The following PMPCB variants were observed in gnomAD, a reference collection of about 807,000 sequenced individuals.
The protein encoded by PMPCB is mitochondrial-processing peptidase subunit beta.
Under a neutral mutation model 61.5 loss-of-function variants are expected in PMPCB, and 46 were observed. The observed-to-expected ratio is 0.75, with a 90% confidence interval of 0.59 to 0.96. The LOEUF is 0.96. Among genes scored for constraint, PMPCB ranks in the 40% least tolerant of loss-of-function variants. The pLI, the probability that PMPCB is intolerant of heterozygous loss-of-function variation, is 0.00. For missense variants in PMPCB, 590 were observed against 602.4 expected, an observed-to-expected ratio of 0.98 and a Z score of 0.22; for synonymous variants, 191 against 201.6, an observed-to-expected ratio of 0.95 and a Z score of 0.44.
rs764465517 is a variant in PMPCB, at chr7:103,307,596, G to T, written c.737G>T (p.Gly246Val). 1 of 1,573,494 alleles carries T rather than the reference G, an allele frequency of 6.4e-7. No individual in the cohort carries two copies. The highest frequency in any genetic ancestry group is 8.7e-7 in the Non-Finnish European group (1 of 1,143,268). The change falls in exon 7 of 13, where the codon GGT becomes GTT. Residue 246 changes from glycine (G) to valine (V), a missense_variant and splice_region_variant. By Grantham distance (109) the Gly-to-Val change is moderately radical. Transcript: ENST00000249269. Reference sequence around the variant, plus strand: ...GTGAAAATATTTTCTTTCAATTTAGGTGTTTCCCATGATGAATTGCTTGAC... The same window carrying T: ...GTGAAAATATTTTCTTTCAATTTAGTTGTTTCCCATGATGAATTGCTTGAC... ...GPRIVLAAAG[G>V]VSHDELLDLA...
At chr7:103,337,998 G>A in the PMPCB span, among the ~76,000 whole-genome samples, 1 of 152,192 alleles carries the variant, frequency 6.6e-6, no homozygotes, top group Non-Finnish European at 1.5e-5. Flanking sequence ...TGGGTGCCAT[G>A]GTTCATGCCT....
chr7:103,316,473 T>C, downstream of PMPCB: 1 of 222,858 alleles, frequency 4.5e-6, no homozygotes, highest in Non-Finnish European at 8.7e-6. Flanking sequence ...GCAGTTAAAC[T>C]CAAGCTCCAG....
At chr7:103,298,210 GTAGTTTTACA>G (rs1817344017) in intron 1 of PMPCB, among the ~76,000 whole-genome samples, 1 of 151,532 alleles carries the variant, frequency 6.6e-6, no homozygotes, top group Non-Finnish European at 1.5e-5. Flanking sequence ...TTGTGTGTAG[GTAGTTTTACA>G]TAGTTTCCCT....
chr7:103,330,232 C>CT (rs1818909153), downstream of PMPCB, among the ~76,000 whole-genome samples: 1 of 152,196 alleles, frequency 6.6e-6, no homozygotes, highest in South Asian at 2.1e-4. Context: ...GAGAGAAACT[C>CT]TATGTGTTCA....
intron 12 of PMPCB, chr7:103,321,948 A>G (rs1818443931): frequency 6.2e-7 from 1 of 1,613,160 alleles, no homozygotes; most frequent in Non-Finnish European, 8.5e-7. Flanking sequence ...TGAGTTTCGA[A>G]GTTTTTGCCT....
chr7:103,310,603 T>A, intron 9 of PMPCB, 128 bp downstream of exon 9: 1 of 623,648 alleles, frequency 1.6e-6, no homozygotes, highest in African/African-American at 1.9e-5. Context: ...TAAACAGTAG[T>A]TGCCATGTTT....
chr7:103,322,823 C>A, intron 12 of PMPCB: 1 of 1,533,578 alleles, frequency 6.5e-7, no homozygotes, highest in Non-Finnish European at 8.9e-7. Flanking sequence ...TGGAAACAAA[C>A]TACTGCTTAT....
At chr7:103,320,169 A>G (rs1586074877) in intron 12 of PMPCB, among the ~76,000 whole-genome samples, 1 of 151,480 alleles carries the variant, frequency 6.6e-6, no homozygotes, top group African/African-American at 2.4e-5. Flanking sequence ...GCTCACTGCA[A>G]CCTCCACCTC....
Position 103,299,436 on chromosome 7 carries a change from C to G in PMPCB, c.241-7C>G, listed in dbSNP as rs376139529. 5.9e-5 allele frequency: 91 copies of G among 1,537,800 alleles called. 1 individual carries two copies. The African/African-American group carries it at 1.2e-3, about 20-fold the overall frequency. On this transcript the variant is annotated splice_polypyrimidine_tract_variant and splice_region_variant and intron_variant, in intron 2 of 12. Transcript: ENST00000249269. ...AATTTATTTAATTGTTCTTTGATTGCATTAAGGTTGGACTCTGGATTGATG... is the reference window on the plus strand; with the variant it reads ...AATTTATTTAATTGTTCTTTGATTGGATTAAGGTTGGACTCTGGATTGATG...
At chr7:103,316,699 AC>A (rs1181419159), downstream of PMPCB, 18 of 755,332 alleles carry the variant, frequency 2.4e-5, no homozygotes, top group Middle Eastern at 7.5e-4. Context: ...CTCACTTTTC[AC>A]ACTTTTCTGC....
the PMPCB span, chr7:103,341,656 T>C: frequency 1.1e-6 from 1 of 910,804 alleles, no homozygotes; most frequent in Non-Finnish European, 1.6e-6. Flanking sequence ...AAATCATAGT[T>C]ATCTTGCTGA....
At chr7:103,300,141 G>GA (rs764691747) in intron 3 of PMPCB, 37 bp from the exon 4 acceptor site, 234 of 1,582,256 alleles carry the variant, frequency 1.5e-4, no homozygotes, top group Non-Finnish European at 2.0e-4. Context: ...AGTATAAAGG[G>GA]AGTTTGCATA....
Position 103,325,139 on chromosome 7 carries a change from C to G in PMPCB, c.*1432-3792C>G, listed in dbSNP as rs117373230. ...AATATACTACTACTTTTTACCACCT[C>G]AGCACTGCTATAAAACAAACGTGGC... On this transcript the variant is annotated intron_variant and NMD_transcript_variant, in intron 12 of 12. Transcript: ENST00000444457. Among the ~76,000 whole-genome samples, 33 of 152,256 alleles carry G rather than the reference C, an allele frequency of 2.2e-4. No homozygotes were observed. In the East Asian group the frequency reaches 4.8e-3, roughly 22 times the overall value.
intron 4 of PMPCB, 73 bp from the exon 5 acceptor site, chr7:103,303,769 T>A (rs1817508417): frequency 2.0e-6 from 2 of 1,024,838 alleles, no homozygotes; most frequent in Admixed American, 5.0e-5. Context: ...TGATTTCTGA[T>A]TTTGGTTTAA....
chr7:103,321,773 C>T (rs898530202), intron 12 of PMPCB, among the ~76,000 whole-genome samples: 1 of 151,982 alleles, frequency 6.6e-6, no homozygotes, highest in Non-Finnish European at 1.5e-5. Context: ...CGCTCGAACC[C>T]GGAGGCGGAA....
chr7:103,336,090 CT>C, the PMPCB span: 1 of 152,450 alleles, frequency 6.6e-6, no homozygotes, highest in Admixed American at 6.5e-5. Context: ...TCGCTTGAAC[CT>C]GGGAGGCGGA....
chr7:103,316,924 C>T, downstream of PMPCB: 1 of 1,613,994 alleles, frequency 6.2e-7, no homozygotes, highest in Non-Finnish European at 8.5e-7. Context: ...CCACCTCCAC[C>T]AGTTGATTTC....
intron 12 of PMPCB, chr7:103,326,496 A>C: frequency 6.3e-7 from 1 of 1,598,180 alleles, no homozygotes; most frequent in South Asian, 1.1e-5. Context: ...AGACTACAAT[A>C]AACAAGCCAA....
chr7:103,307,054 C>T (rs944074331), intron 6 of PMPCB, among the ~76,000 whole-genome samples: 6 of 151,810 alleles, frequency 4.0e-5, no homozygotes, highest in Non-Finnish European at 7.4e-5. Context: ...CCATGGCACC[C>T]GGCTTTTAAA....
Sources: gnomAD v4.1 joint callset for allele counts (sites outside exome capture counted in the v4.1 genomes callset) on GRCh38, gnomAD v4.1.1 for gene constraint, MANE v1.5 for transcripts, NCBI Gene and HGNC (gene_info 2026-07-23, HGNC 2026-07-21) for gene names.